The following SNTG1 variants were observed in gnomAD, a reference collection of about 807,000 sequenced individuals.
SNTG1 encodes the protein syntrophin gamma 1, also known as gamma-1-syntrophin.
In SNTG1, 39 loss-of-function variants were observed where a neutral mutation model predicts 74.7. The ratio of observed to expected loss-of-function variants is 0.52; its 90% CI spans 0.40 to 0.68. SNTG1 has a LOEUF of 0.68. Among genes scored for constraint, SNTG1 ranks in the 30% least tolerant of loss-of-function variants. The pLI is 0.00. For missense variants in SNTG1, 685 were observed against 609.5 expected, an observed-to-expected ratio of 1.12 and a Z score of -1.30; for synonymous variants, 254 against 217.1, an observed-to-expected ratio of 1.17 and a Z score of -1.49.
intron 12 of SNTG1, among the ~76,000 whole-genome samples, chr8:50,567,903 T>C (rs1234265349): frequency 1.3e-5 from 2 of 152,152 alleles, no homozygotes; most frequent in African/African-American, 2.4e-5. Flanking sequence ...CTTTACATTG[T>C]TATTTGCTCT....
chr8:49,941,509 TA>T (rs1808683973), intron 1 of SNTG1, among the ~76,000 whole-genome samples: 1 of 148,062 alleles, frequency 6.8e-6, no homozygotes, highest in Non-Finnish European at 1.5e-5. Context: ...TATATTTATA[TA>T]TTATATATTT....
chr8:50,334,568 C>A lies in SNTG1; in HGVS notation c.-27-59644C>A, dbSNP rs190617959. Among the ~76,000 whole-genome samples the A allele has an allele frequency of 2.0e-5, 3 of 151,340 alleles. No individual in the cohort carries two copies. In the East Asian group the frequency reaches 5.8e-4, roughly 29 times the overall value. ...AAACCAGTGTATGGTTTTCACTACT[C>A]ATTTTACCTTATTTCTGTAGCAATT... On this transcript the variant is annotated intron_variant, in intron 2 of 18. Transcript: ENST00000642720.
intron 9 of SNTG1, among the ~76,000 whole-genome samples, chr8:50,509,172 T>C (rs1356712989): frequency 6.6e-6 from 1 of 152,202 alleles, no homozygotes; most frequent in East Asian, 1.9e-4. Context: ...ATTTATTAAA[T>C]AGGGAATCCT....
chr8:50,786,124 A>C (rs2095674401), intron 18 of SNTG1, among the ~76,000 whole-genome samples: 1 of 151,966 alleles, frequency 6.6e-6, no homozygotes, highest in South Asian at 2.1e-4. Flanking sequence ...GAAAATGTTC[A>C]TGAATTCACT....
At chr8:50,207,014 G>T (rs1362842226) in intron 2 of SNTG1, among the ~76,000 whole-genome samples, 1 of 152,098 alleles carries the variant, frequency 6.6e-6, no homozygotes, top group Non-Finnish European at 1.5e-5. Context: ...CAGGGATATT[G>T]GTCTAAAATT....
intron 1 of SNTG1, among the ~76,000 whole-genome samples, chr8:49,989,029 T>C (rs889655834): frequency 6.6e-6 from 1 of 152,020 alleles, no homozygotes; most frequent in Non-Finnish European, 1.5e-5. Context: ...ATTTGATCAT[T>C]ATAGAGAGCA....
intron 11 of SNTG1, among the ~76,000 whole-genome samples, chr8:50,545,409 A>C (rs1332599753): frequency 6.6e-6 from 1 of 150,598 alleles, no homozygotes; most frequent in East Asian, 1.9e-4. Context: ...AATCTCTTCA[A>C]GCTTTATTTT....
At chr8:50,233,307 G>A (rs2085726181) in intron 2 of SNTG1, among the ~76,000 whole-genome samples, 1 of 151,468 alleles carries the variant, frequency 6.6e-6, no homozygotes, top group African/African-American at 2.4e-5. Flanking sequence ...ATTAAATGGA[G>A]GAAGGATAGT....
intron 1 of SNTG1, among the ~76,000 whole-genome samples, chr8:50,014,152 G>A (rs1489874402): frequency 6.6e-6 from 1 of 152,024 alleles, no homozygotes; most frequent in African/African-American, 2.4e-5. Context: ...GTAGCCAAAG[G>A]CTAAGAGCAT....
At chr8:49,968,056 A>C (rs1585699491) in intron 1 of SNTG1, among the ~76,000 whole-genome samples, 1 of 150,106 alleles carries the variant, frequency 6.7e-6, no homozygotes, top group Non-Finnish European at 1.5e-5. Flanking sequence ...TGCTTACTCT[A>C]TACCTGGTGA....
chr8:50,274,331 C>T (rs544892401), intron 2 of SNTG1, among the ~76,000 whole-genome samples: 1 of 152,140 alleles, frequency 6.6e-6, no homozygotes, highest in African/African-American at 2.4e-5. Flanking sequence ...AAGTGATCCA[C>T]TCACCTACGC....
intron 17 of SNTG1, among the ~76,000 whole-genome samples, chr8:50,738,365 C>T (rs770118380): frequency 5.9e-5 from 9 of 151,990 alleles, no homozygotes; most frequent in African/African-American, 1.2e-4. Flanking sequence ...ATGTGAAGGA[C>T]CTCTTCAAAG....
chr8:50,028,991 G>A (rs931895846), intron 1 of SNTG1, among the ~76,000 whole-genome samples: 1 of 151,762 alleles, frequency 6.6e-6, no homozygotes, highest in African/African-American at 2.4e-5. Flanking sequence ...TTAATGTTGA[G>A]TTTTAATAAT....
At chr8:50,565,231 G>A (rs1328520529) in intron 12 of SNTG1, among the ~76,000 whole-genome samples, 1 of 151,912 alleles carries the variant, frequency 6.6e-6, no homozygotes, top group Admixed American at 6.6e-5. Flanking sequence ...AAGGGGACCT[G>A]TTGAATAAAT....
At chr8:49,998,270 T>A (rs1209020596) in intron 1 of SNTG1, among the ~76,000 whole-genome samples, 1 of 152,196 alleles carries the variant, frequency 6.6e-6, no homozygotes, top group Non-Finnish European at 1.5e-5. Context: ...AGTGAGTGAG[T>A]GAGTGGTGAC....
rs2092752328 is a variant in SNTG1 at position 50,398,160 on chromosome 8, G to T, written c.27+3895G>T. Among the ~76,000 whole-genome samples, 3 of 152,164 alleles carry T rather than the reference G, an allele frequency of 2.0e-5. No individual in the cohort carries two copies. The South Asian group carries it at 6.2e-4, about 31-fold the overall frequency. On this transcript the variant is annotated intron_variant, in intron 3 of 18. Coordinates refer to ENST00000642720, the MANE Select transcript of SNTG1 (RefSeq NM_018967.5). Reference sequence around the variant, plus strand: ...GTGCCTGTTTCTGTCAACAATAAGTGTATTTTAACTTTCCCATTTATTCTC... The same window carrying T: ...GTGCCTGTTTCTGTCAACAATAAGTTTATTTTAACTTTCCCATTTATTCTC...
At chr8:50,342,501 AT>A (rs1356726130) in intron 2 of SNTG1, among the ~76,000 whole-genome samples, 1 of 152,180 alleles carries the variant, frequency 6.6e-6, no homozygotes, top group Non-Finnish European at 1.5e-5. Flanking sequence ...GATTAAAAAA[AT>A]GTTTTGCTAA....
rs183876317 is a variant in SNTG1, at chr8:50,346,350, G to C, written c.-27-47862G>C. 2.2e-4 allele frequency among the ~76,000 whole-genome samples: 33 copies of C among 152,246 alleles called. No individual in the cohort carries two copies. The East Asian group carries it at 5.4e-3, about 25-fold the overall frequency. ...GATGTTACTGGTGGGATTTTTTCAA[G>C]TGCCACAAACTGTGCCCGTATCAGA... is the stretch of plus-strand genomic sequence containing the variant. On this transcript the variant is annotated intron_variant, in intron 2 of 18. Coordinates refer to ENST00000642720, the MANE Select transcript of SNTG1 (RefSeq NM_018967.5).
intron 9 of SNTG1, among the ~76,000 whole-genome samples, chr8:50,505,670 T>C (rs2094000143): frequency 6.6e-6 from 1 of 152,186 alleles, no homozygotes; most frequent in Admixed American, 6.5e-5. Context: ...GACATGTCTA[T>C]TCAAGTCTAC....
Sources: allele counts gnomAD v4.1 joint callset (sites outside exome capture counted in the v4.1 genomes callset), GRCh38; gene constraint gnomAD v4.1.1; transcripts MANE v1.5; gene names NCBI Gene and HGNC (gene_info 2026-07-23, HGNC 2026-07-21).